Variants in CCDC13 observed in about 807,000 individuals in gnomAD.
The protein encoded by CCDC13 is coiled-coil domain-containing protein 13.
In CCDC13, 70 loss-of-function variants were observed where a neutral mutation model predicts 87.3. The ratio of observed to expected loss-of-function variants is 0.80; its 90% confidence interval spans 0.66 to 0.98. The LOEUF is 0.98. Among genes scored for constraint, CCDC13 ranks in the 50% least tolerant of loss-of-function variants. CCDC13 has a pLI of 0.00. For synonymous variants in CCDC13, 317 were observed against 360.3 expected (o/e 0.88, Z 1.36); for missense variants, 842 against 892.0 (o/e 0.94, Z 0.71).
rs35259284 is a variant in CCDC13, at chr3:42,717,424, CA to C, written c.1719-4109del. Among the ~76,000 whole-genome samples the C allele has an allele frequency of 2.6e-3, 328 of 125,676 alleles. 1 individual carries two copies. The highest frequency in any genetic ancestry group is 5.4e-3 in the African/African-American group (178 of 33,102). The allele number at this position is 125,676 out of a possible 152,430, so 82.4% of individuals were successfully genotyped here. ...CTCGGCAACAAGCGAGAATCCATCT[CA>C]AAAAAAAAAAAAATAAGTAAAGAGG... On this transcript the variant is annotated intron_variant, in intron 13 of 15. Transcript: ENST00000310232.
chr3:42,716,576 C>A (rs1005998001), intron 13 of CCDC13, among the ~76,000 whole-genome samples: 2 of 152,088 alleles, frequency 1.3e-5, no homozygotes, highest in African/African-American at 4.8e-5. Flanking sequence ...GTCCAATAAG[C>A]ACATAAATAG....
chr3:42,726,025 A>G (rs1000718982), intron 13 of CCDC13, among the ~76,000 whole-genome samples: 1 of 152,148 alleles, frequency 6.6e-6, no homozygotes, highest in Non-Finnish European at 1.5e-5. Context: ...TAAGAAAGAG[A>G]ACAAGAGGGT....
rs760864788 is a variant in CCDC13 at position 42,743,024 on chromosome 3, GGGCCT to G, written c.854_858del (p.Gln285ProfsTer10). The G allele has an allele frequency of 1.9e-6, 3 of 1,614,134 alleles. No homozygotes were observed. The highest frequency in any genetic ancestry group is 1.1e-5 in the South Asian group (1 of 91,064). The stretch of plus-strand genomic sequence containing the variant: ...CTGGCTGTTCCCGCAGACTGGCTCC[GGGCCT>G]GGCCCAATTGCTTCTCAAGCTCTTG... On this transcript the variant is annotated frameshift_variant, in exon 8 of 16. Coordinates refer to ENST00000310232, the MANE Select transcript of CCDC13 (RefSeq NM_144719.4). LOFTEE classifies it high-confidence loss of function.
intron 1 of CCDC13, among the ~76,000 whole-genome samples, chr3:42,758,740 C>T (rs373193459): frequency 6.6e-6 from 1 of 152,322 alleles, no homozygotes; most frequent in East Asian, 1.9e-4. Context: ...AGGAACAGGG[C>T]TTGGCCATCA....
chr3:42,715,234 G>A (rs1007735113), intron 13 of CCDC13, among the ~76,000 whole-genome samples: 1 of 151,970 alleles, frequency 6.6e-6, no homozygotes, highest in Non-Finnish European at 1.5e-5. Context: ...ACTTGAACCA[G>A]GGAGGTGGAG....
intron 13 of CCDC13, among the ~76,000 whole-genome samples, chr3:42,722,687 C>A (rs1012622042): frequency 6.6e-6 from 1 of 152,084 alleles, no homozygotes; most frequent in African/African-American, 2.4e-5. Flanking sequence ...CATGAATAAT[C>A]CACCTCTTGT....
chr3:42,732,233 C>G (rs114519401), intron 12 of CCDC13, among the ~76,000 whole-genome samples: 2,957 of 152,276 alleles, frequency 0.019, 105 homozygotes, highest in African/African-American at 0.066. Context: ...TGCTGTCCCC[C>G]ACTTTTCGGG....
Position 42,742,905 on chromosome 3 carries a change from T to A in CCDC13, c.978A>T (p.Glu326Asp). Reference protein sequence around the residue: ...RIRSLEREKQEGLEKLASERD... With the variant: ...RIRSLEREKQDGLEKLASERD... Reference sequence around the variant, plus strand: ...CTCAGGCACGCGTTACCTCCAAGCCTTCCTGTTTTTCCCTTTCCAGGCTGC... The same window carrying A: ...CTCAGGCACGCGTTACCTCCAAGCCATCCTGTTTTTCCCTTTCCAGGCTGC... Residue 326 changes from glutamate to aspartate, a missense_variant, in exon 8 of 16, where the codon GAA becomes GAT. By Grantham distance (45) the Glu-to-Asp change is conservative. Coordinates refer to ENST00000310232, the MANE Select transcript of CCDC13 (RefSeq NM_144719.4). 6.2e-7 allele frequency: 1 copy of A among 1,614,098 alleles called. No homozygotes were observed. Among genetic ancestry groups the A allele is most frequent in the Non-Finnish European group, 8.5e-7 (1 of 1,179,964 alleles).
chr3:42,758,084 C>CACACACAG, intron 2 of CCDC13, 41 bp downstream of exon 2: 1 of 1,539,380 alleles, frequency 6.5e-7, no homozygotes. Context: ...CACACACACA[C>CACACACAG]ACACACACAC....
intron 1 of CCDC13, among the ~76,000 whole-genome samples, chr3:42,769,940 G>T (rs573767650): frequency 6.6e-6 from 1 of 152,268 alleles, no homozygotes; most frequent in African/African-American, 2.4e-5. Flanking sequence ...CGCCATGCCT[G>T]AGCCTCCCCC....
At chr3:42,767,782 C>T (rs575026011) in intron 1 of CCDC13, among the ~76,000 whole-genome samples, 1 of 152,184 alleles carries the variant, frequency 6.6e-6, no homozygotes, top group South Asian at 2.1e-4. Context: ...CAAGACCACC[C>T]TGGCAAATGT....
rs373309613 is a variant in CCDC13, at chr3:42,772,583, C to T, written c.-7+593G>A. ...AGTATTCTCAACAACAGTCTAGGGGCCTGGAGGTGTGGGGAGGCCGCCCAC... is the reference window on the plus strand; with the variant it reads ...AGTATTCTCAACAACAGTCTAGGGGTCTGGAGGTGTGGGGAGGCCGCCCAC... On this transcript the variant is annotated intron_variant, in intron 1 of 15. Coordinates refer to ENST00000310232, the MANE Select transcript of CCDC13 (RefSeq NM_144719.4). 2.0e-5 allele frequency among the ~76,000 whole-genome samples: 3 copies of T among 152,280 alleles called. No homozygotes were observed. In the South Asian group the frequency reaches 6.2e-4, roughly 32 times the overall value.
intron 1 of CCDC13, among the ~76,000 whole-genome samples, chr3:42,771,876 G>C (rs1478488939): frequency 2.0e-5 from 3 of 152,220 alleles, no homozygotes; most frequent in African/African-American, 7.2e-5. Flanking sequence ...AATGCAATGT[G>C]TAAGATGTTA....
chr3:42,742,986 A>C lies in CCDC13; in HGVS notation c.897T>G (p.Ser299=), dbSNP rs1205547543. The stretch of plus-strand genomic sequence containing the variant: ...ACAGCTTCCTTGGGTCTGGATAGAC[A>C]GACAACTCATCACTGGCTGTTCCCG... ...QSAGTASDEL[S]VYPDPRKLSA... The change falls in exon 8 of 16, where the codon TCT becomes TCG. Residue 299 remains serine, a synonymous_variant. Coordinates refer to ENST00000310232, the MANE Select transcript of CCDC13 (RefSeq NM_144719.4). The C allele has an allele frequency of 1.2e-6, 2 of 1,614,178 alleles. No homozygotes were observed. The highest frequency in any genetic ancestry group is 1.7e-6 in the Non-Finnish European group (2 of 1,180,022).
At chr3:42,750,857 C>T (rs953950066) in intron 5 of CCDC13, among the ~76,000 whole-genome samples, 4 of 152,176 alleles carry the variant, frequency 2.6e-5, no homozygotes, top group Non-Finnish European at 4.4e-5. Flanking sequence ...AGCCCTAGTT[C>T]GGAATGTGGA....
intron 9 of CCDC13, among the ~76,000 whole-genome samples, chr3:42,736,832 C>G (rs929261504): frequency 1.3e-5 from 2 of 152,208 alleles, no homozygotes; most frequent in Non-Finnish European, 2.9e-5. Context: ...AACTTTGGTG[C>G]CTCGGGTCCC....
Position 42,722,870 on chromosome 3 carries a change from C to T in CCDC13, c.1718+7597G>A, listed in dbSNP as rs566983728. 5.0e-4 allele frequency among the ~76,000 whole-genome samples: 74 copies of T among 147,510 alleles called. No individual in the cohort carries two copies. The East Asian group carries it at 0.013, about 25-fold the overall frequency. On this transcript the variant is annotated intron_variant, in intron 13 of 15. Coordinates refer to ENST00000310232, the MANE Select transcript of CCDC13 (RefSeq NM_144719.4). ...GGAGTGCAGTGGCACTATCTCGGCT[C>T]ATTGCAAGCTCCGCCTCCCAGGTTC...
chr3:42,718,600 G>A (rs1219606953), intron 13 of CCDC13, among the ~76,000 whole-genome samples: 1 of 152,052 alleles, frequency 6.6e-6, no homozygotes, highest in African/African-American at 2.4e-5. Flanking sequence ...CATCTTTCTG[G>A]TGGCCACTGA....
intron 13 of CCDC13, among the ~76,000 whole-genome samples, chr3:42,727,252 G>C (rs1345592501): frequency 1.3e-5 from 2 of 151,898 alleles, no homozygotes; most frequent in Non-Finnish European, 1.5e-5. Flanking sequence ...CACACCTGTA[G>C]TCCCAGCTAC....
Sources: gnomAD v4.1 joint callset for allele counts (sites outside exome capture counted in the v4.1 genomes callset) on GRCh38, gnomAD v4.1.1 for gene constraint, MANE v1.5 for transcripts, NCBI Gene and HGNC (gene_info 2026-07-23, HGNC 2026-07-21) for gene names.